The following CSMD1 variants were observed in gnomAD, a reference collection of about 807,000 sequenced individuals.
CSMD1 encodes the protein CUB and sushi domain-containing protein 1.
A neutral mutation model predicts 417.5 loss-of-function variants in CSMD1; 213 were observed. The ratio of observed to expected loss-of-function variants is 0.51; its 90% CI spans 0.46 to 0.57. The LOEUF (loss-of-function observed/expected upper bound fraction) is 0.57, where lower values mean the gene tolerates loss of function less well. CSMD1 is among the 20% of genes least tolerant of loss of function. The pLI, the probability that CSMD1 is intolerant of heterozygous loss-of-function variation, is 0.00. For synonymous variants in CSMD1, 2,862 were observed against 1,736.8 expected (o/e 1.65, Z -16.11); for missense variants, 6,923 against 4,529.7 (o/e 1.53, Z -15.17).
intron 5 of CSMD1, among the ~76,000 whole-genome samples, chr8:3,802,014 G>A (rs1359787890): frequency 1.3e-5 from 2 of 152,082 alleles, no homozygotes; most frequent in Non-Finnish European, 2.9e-5. Context: ...GGATTGTGAT[G>A]ACTGCACGAT....
intron 2 of CSMD1, among the ~76,000 whole-genome samples, chr8:4,550,901 A>T (rs1797841810): frequency 6.6e-6 from 1 of 152,178 alleles, no homozygotes; most frequent in South Asian, 2.1e-4. Context: ...TAGAAAACGG[A>T]GACCCAGGAC....
At chr8:4,386,015 T>A (rs1308702614) in intron 3 of CSMD1, among the ~76,000 whole-genome samples, 1 of 152,158 alleles carries the variant, frequency 6.6e-6, no homozygotes, top group East Asian at 1.9e-4. Flanking sequence ...ACTTTCCCTT[T>A]TTTTATCACT....
intron 5 of CSMD1, among the ~76,000 whole-genome samples, chr8:3,789,273 A>T (rs544606415): frequency 7.2e-5 from 11 of 152,080 alleles, no homozygotes; most frequent in African/African-American, 2.7e-4. Flanking sequence ...CAGCCTCCTG[A>T]ACTGTTGTTT....
At chr8:3,675,013 C>T (rs751316532) in intron 7 of CSMD1, among the ~76,000 whole-genome samples, 11 of 152,062 alleles carry the variant, frequency 7.2e-5, no homozygotes, top group Non-Finnish European at 1.6e-4. Flanking sequence ...TTTTTAATGC[C>T]CAGTGATGCA....
intron 2 of CSMD1, among the ~76,000 whole-genome samples, chr8:4,470,400 T>C (rs531303502): frequency 7.2e-5 from 11 of 152,218 alleles, no homozygotes; most frequent in Non-Finnish European, 1.6e-4. Flanking sequence ...TCTGTAGAAT[T>C]ATCACCTGAC....
chr8:3,942,663 T>A (rs796747775), intron 5 of CSMD1, among the ~76,000 whole-genome samples: 1 of 152,206 alleles, frequency 6.6e-6, no homozygotes, highest in South Asian at 2.1e-4. Flanking sequence ...AAAAACTGTT[T>A]ATGATTTATA....
At chr8:3,204,123 C>T (rs1185240404) in intron 31 of CSMD1, among the ~76,000 whole-genome samples, 3 of 152,164 alleles carry the variant, frequency 2.0e-5, no homozygotes, top group Admixed American at 6.5e-5. Context: ...GCTGTAACTA[C>T]GTTATTCCAC....
intron 3 of CSMD1, among the ~76,000 whole-genome samples, chr8:4,289,969 T>A (rs1438474069): frequency 6.6e-6 from 1 of 152,228 alleles, no homozygotes; most frequent in East Asian, 1.9e-4. Flanking sequence ...GACTCATTAT[T>A]TCATTCAGCT....
At chr8:4,106,763 T>C (rs1348127986) in intron 3 of CSMD1, among the ~76,000 whole-genome samples, 2 of 152,122 alleles carry the variant, frequency 1.3e-5, no homozygotes, top group East Asian at 1.9e-4. Flanking sequence ...GCACAGCTAG[T>C]GATCAGCGGC....
intron 3 of CSMD1, among the ~76,000 whole-genome samples, chr8:4,121,491 C>G (rs1256419703): frequency 6.6e-6 from 1 of 152,074 alleles, no homozygotes; most frequent in Non-Finnish European, 1.5e-5. Context: ...TTTCCTATTT[C>G]TCACTATAAT....
chr8:3,451,070 G>T (rs1786574077), intron 12 of CSMD1, among the ~76,000 whole-genome samples: 1 of 152,194 alleles, frequency 6.6e-6, no homozygotes, highest in Non-Finnish European at 1.5e-5. Context: ...GGCCAGTGAT[G>T]ACGAGCATTT....
intron 1 of CSMD1, among the ~76,000 whole-genome samples, chr8:4,754,384 T>G (rs1287358227): frequency 6.6e-6 from 1 of 152,184 alleles, no homozygotes; most frequent in African/African-American, 2.4e-5. Flanking sequence ...CAGGTATTAA[T>G]TGATCTGTAG....
chr8:4,727,920 AC>A (rs1731865457), intron 1 of CSMD1, among the ~76,000 whole-genome samples: 1 of 146,254 alleles, frequency 6.8e-6, no homozygotes, highest in South Asian at 2.1e-4. Flanking sequence ...TATACCAAAT[AC>A]ATCTAATATA....
intron 5 of CSMD1, among the ~76,000 whole-genome samples, chr8:3,881,601 T>A (rs1585133689): frequency 9.0e-6 from 1 of 111,700 alleles, no homozygotes; most frequent in African/African-American, 3.8e-5. Flanking sequence ...AGAGCAAGAC[T>A]CCATCTCAAA....
intron 1 of CSMD1, among the ~76,000 whole-genome samples, chr8:4,793,543 T>C (rs547966412): frequency 2.6e-5 from 4 of 152,000 alleles, no homozygotes; most frequent in Non-Finnish European, 5.9e-5. Context: ...GCTGTTCTGC[T>C]TGCAGAAATT....
chr8:3,380,573 G>A (rs1169813300), intron 18 of CSMD1, among the ~76,000 whole-genome samples: 1 of 152,162 alleles, frequency 6.6e-6, no homozygotes, highest in Non-Finnish European at 1.5e-5. Context: ...AAAAGGATGA[G>A]TTCATGTCCT....
intron 69 of CSMD1, among the ~76,000 whole-genome samples, chr8:2,941,435 G>C (rs920234305): frequency 6.6e-6 from 1 of 152,158 alleles, no homozygotes; most frequent in Non-Finnish European, 1.5e-5. Context: ...TATTTCAGGG[G>C]ATCATAATTT....
chr8:3,940,765 A>G (rs551286812), intron 5 of CSMD1, among the ~76,000 whole-genome samples: 39 of 151,920 alleles, frequency 2.6e-4, no homozygotes, highest in African/African-American at 8.7e-4. Context: ...GTTTTGTTGT[A>G]TACACAGTTC....
chr8:4,683,704 C>A (rs944795837), intron 1 of CSMD1, among the ~76,000 whole-genome samples: 3 of 152,208 alleles, frequency 2.0e-5, no homozygotes, highest in Non-Finnish European at 2.9e-5. Flanking sequence ...GGGGTCCCAC[C>A]AGGGGTCCTG....
Sources: gnomAD v4.1 joint callset for allele counts (sites outside exome capture counted in the v4.1 genomes callset) on GRCh38, gnomAD v4.1.1 for gene constraint, MANE v1.5 for transcripts, NCBI Gene and HGNC (gene_info 2026-07-23, HGNC 2026-07-21) for gene names.